Variants in DSCC1 observed in about 807,000 individuals in gnomAD.
The protein encoded by DSCC1 is sister chromatid cohesion protein DCC1.
Under a neutral mutation model 48.2 loss-of-function variants are expected in DSCC1, and 32 were observed. The ratio of observed to expected loss-of-function variants is 0.66; its 90% confidence interval spans 0.50 to 0.89. The LOEUF (loss-of-function observed/expected upper bound fraction) is 0.89. Ranked by LOEUF, DSCC1 falls within the 40% of genes least tolerant of loss-of-function variation. The pLI is 0.00. For missense variants in DSCC1, 421 were observed against 471.7 expected (o/e 0.89, Z 1.00); for synonymous variants, 150 against 171.5 (o/e 0.87, Z 0.98).
chr8:119,840,988 T>TATC (rs1586576702), intron 7 of DSCC1, among the ~76,000 whole-genome samples: 1 of 151,532 alleles, frequency 6.6e-6, no homozygotes, highest in East Asian at 1.9e-4. Context: ...TTTATTTATT[T>TATC]ATTATTATTA....
intron 3 of DSCC1, among the ~76,000 whole-genome samples, chr8:119,848,158 T>C (rs889954789): frequency 1.1e-4 from 17 of 152,124 alleles, no homozygotes; most frequent in Admixed American, 9.2e-4. Context: ...AGACAGATTC[T>C]TGCTATGTTG....
At chr8:119,846,953 A>G (rs758320539) in intron 4 of DSCC1, 37 bp downstream of exon 4, 2 of 1,587,284 alleles carry the variant, frequency 1.3e-6, no homozygotes, top group South Asian at 1.1e-5. Flanking sequence ...ATGATGCCCA[A>G]TTTCATCATT....
chr8:119,847,687 C>T (rs576408196), intron 3 of DSCC1, among the ~76,000 whole-genome samples: 6 of 137,078 alleles, frequency 4.4e-5, no homozygotes, highest in East Asian at 4.2e-4. Flanking sequence ...TTTTTTGAGA[C>T]GGAGTTTCGC....
chr8:119,834,951 G>T lies in DSCC1; in HGVS notation c.1124C>A (p.Ser375Tyr). ...AACACCATTTTGCATCGAAGAATGA[G>T]AATATTTAGTGAGTAATGCACCTAT... ...QTIGALLTKY[S>Y]HSSMQNGVKV... The change falls in exon 9 of 9, where the codon TCT becomes TAT. Residue 375 changes from serine to tyrosine, a missense_variant. This residue lies in a region of DSCC1 where 238 missense variants were observed against 259.0 expected (regional missense o/e 0.92). Transcript: ENST00000313655. 1 of 1,610,540 alleles carries T rather than the reference G, an allele frequency of 6.2e-7. No homozygotes were observed. Among genetic ancestry groups the T allele is most frequent in the Non-Finnish European group, 8.5e-7 (1 of 1,178,048 alleles).
At position 119,855,862 on chromosome 8, in the gene DSCC1, T is replaced by G. The variant is rs1044668001; in HGVS notation, c.-67A>C. On this transcript the variant is annotated 5_prime_UTR_variant, in exon 1 of 9. Coordinates refer to ENST00000313655, the MANE Select transcript of DSCC1 (RefSeq NM_024094.3). ...GCGGGCTTGGCGGGCAAGAAAGAAG[T>G]TCCCAAGCAGCCGGAAGGTAGGAAA... is the stretch of plus-strand genomic sequence containing the variant. The G allele has an allele frequency of 7.1e-7, 1 of 1,400,564 alleles. No homozygotes were observed. The highest frequency in any genetic ancestry group is 9.3e-7 in the Non-Finnish European group (1 of 1,075,896). 86.8% of individuals were successfully genotyped at this position (1,400,564 alleles called of 1,614,324 possible).
chr8:119,841,067 C>T (rs1005832093), intron 7 of DSCC1, among the ~76,000 whole-genome samples: 1 of 151,664 alleles, frequency 6.6e-6, no homozygotes, highest in Non-Finnish European at 1.5e-5. Flanking sequence ...ACTCGGCTCC[C>T]TGCAACCTCC....
Position 119,855,666 on chromosome 8 carries a change from A to G in DSCC1, c.130T>C (p.Cys44Arg), listed in dbSNP as rs1368414511. ...AGCGTGGGCTCCAGCTCCAGCAGGC[A>G]GAAGTCGCCGGCTGCAGCGCCGCTG... is the stretch of plus-strand genomic sequence containing the variant. ...GASGAAAGDF[C>R]LLELEPTLCQ... Residue 44 changes from cysteine (C) to arginine (R), a missense_variant, in exon 1 of 9, where the codon TGC (cysteine) becomes CGC (arginine). Physicochemically the swap from Cys to Arg is radical, Grantham distance 180 (BLOSUM62 -3). Coordinates refer to ENST00000313655, the MANE Select transcript of DSCC1 (RefSeq NM_024094.3). 6.5e-7 allele frequency: 1 copy of G among 1,549,718 alleles called. No homozygotes were observed. The highest frequency in any genetic ancestry group is 8.7e-7 in the Non-Finnish European group (1 of 1,147,452).
At chr8:119,851,505 C>G (rs1826943231) in intron 2 of DSCC1, among the ~76,000 whole-genome samples, 1 of 152,176 alleles carries the variant, frequency 6.6e-6, no homozygotes, top group South Asian at 2.1e-4. Context: ...CTTTTGTGTG[C>G]TGGGGGAGGT....
In DSCC1 at chr8:119,842,775, C is replaced by G. The variant is rs1440310620; in HGVS notation, c.769+1G>C. 1.2e-6 allele frequency: 2 copies of G among 1,606,376 alleles called. No homozygotes were observed. Among genetic ancestry groups the G allele is most frequent in the Admixed American group, 3.4e-5 (2 of 58,980 alleles). On this transcript the variant is annotated splice_donor_variant, in intron 6 of 8. Transcript: ENST00000313655. LOFTEE classifies it high-confidence loss of function. The stretch of plus-strand genomic sequence containing the variant: ...AAATGAGAATACTTTCCAAATCTTA[C>G]CTTCATCTACATATTTCTTCCCATA...
rs752680002 is a variant in DSCC1 at position 119,855,749 on chromosome 8, T to G, written c.47A>C (p.Lys16Thr). The change falls in exon 1 of 9, where the codon AAG becomes ACG. Residue 16 changes from lysine (K) to threonine (T), a missense_variant. Physicochemically the swap from Lys to Thr is moderately conservative, Grantham distance 78 (BLOSUM62 -1). Coordinates refer to ENST00000313655, the MANE Select transcript of DSCC1 (RefSeq NM_024094.3). ...DEVDATLQIA[K>T]LNAAELLPAV... ...CGGCAGCAGCTCGGCCGCATTCAGC[T>G]TGGCGATCTGCAGCGTCGCATCCAC... 6.3e-7 allele frequency: 1 copy of G among 1,579,370 alleles called. No homozygotes were observed. Among genetic ancestry groups the G allele is most frequent in the Non-Finnish European group, 8.6e-7 (1 of 1,162,642 alleles).
intron 6 of DSCC1, among the ~76,000 whole-genome samples, 169 bp downstream of exon 6, chr8:119,842,607 A>G (rs1162406403): frequency 6.6e-6 from 1 of 151,810 alleles, no homozygotes; most frequent in African/African-American, 2.4e-5. Flanking sequence ...GCTGGTCTTG[A>G]AATCCTGGGT....
At chr8:119,847,235 A>T (rs1012609447) in intron 3 of DSCC1, among the ~76,000 whole-genome samples, 155 bp from the exon 4 acceptor site, 12 of 152,252 alleles carry the variant, frequency 7.9e-5, no homozygotes, top group Admixed American at 7.9e-4. Context: ...TTCTACACAA[A>T]ATCAATGGAT....
At chr8:119,847,174 T>A in intron 3 of DSCC1, 94 bp from the exon 4 acceptor site, 1 of 1,042,966 alleles carries the variant, frequency 9.6e-7, no homozygotes, top group Non-Finnish European at 1.4e-6. Flanking sequence ...TAGAACAGAT[T>A]AAGGCAATAT....
At chr8:119,839,117 C>G (rs1374198235) in intron 7 of DSCC1, 1 of 152,176 alleles carries the variant, frequency 6.6e-6, no homozygotes, top group African/African-American at 2.4e-5. Flanking sequence ...TTTTATTTTC[C>G]TCGTAACTTG....
At chr8:119,849,893 T>C (rs1045525110) in intron 3 of DSCC1, among the ~76,000 whole-genome samples, 4 of 152,218 alleles carry the variant, frequency 2.6e-5, no homozygotes, top group Non-Finnish European at 5.9e-5. Context: ...ATTTTAAAAC[T>C]GTTTTTTACT....
chr8:119,843,778 G>A, intron 4 of DSCC1, 31 bp from the exon 5 acceptor site: 4 of 1,583,258 alleles, frequency 2.5e-6, no homozygotes, highest in South Asian at 1.2e-5. Flanking sequence ...ATTTACCAAA[G>A]AACTTTTTTT....
intron 4 of DSCC1, among the ~76,000 whole-genome samples, chr8:119,845,906 G>A (rs947482905): frequency 1.3e-5 from 2 of 151,920 alleles, no homozygotes; most frequent in African/African-American, 4.8e-5. Flanking sequence ...CCGAGATCAC[G>A]CCACTGTACT....
At chr8:119,847,640 T>C (rs764478651) in intron 3 of DSCC1, among the ~76,000 whole-genome samples, 3 of 150,234 alleles carry the variant, frequency 2.0e-5, no homozygotes, top group Non-Finnish European at 4.4e-5. Context: ...TACTTTAAAA[T>C]GGTAAATTTT....
Position 119,855,757 on chromosome 8 carries a change from CTG to C in DSCC1, c.37_38del (p.Gln13AspfsTer54). 6.4e-7 allele frequency: 1 copy of C among 1,572,718 alleles called. No individual in the cohort carries two copies. The highest frequency in any genetic ancestry group is 8.6e-7 in the Non-Finnish European group (1 of 1,159,294). On this transcript the variant is annotated frameshift_variant, in exon 1 of 9. Coordinates refer to ENST00000313655, the MANE Select transcript of DSCC1 (RefSeq NM_024094.3). LOFTEE classifies it high-confidence loss of function. ...RTRDEVDATLQIAKLNAAELL... is the reference protein window; with the variant it reads ...RTRDEVDATLXIAKLNAAELL... Reference sequence around the variant, plus strand: ...GCTCGGCCGCATTCAGCTTGGCGATCTGCAGCGTCGCATCCACCTCGTCGCGG... The same window carrying C: ...GCTCGGCCGCATTCAGCTTGGCGATCCAGCGTCGCATCCACCTCGTCGCGG...
Sources: allele counts gnomAD v4.1 joint callset (sites outside exome capture counted in the v4.1 genomes callset), GRCh38; gene constraint gnomAD v4.1.1; regional missense constraint gnomAD v4.1.1; transcripts MANE v1.5; gene names NCBI Gene and HGNC (gene_info 2026-07-23, HGNC 2026-07-21).